Variants in KIF20B observed in about 807,000 individuals in gnomAD.
KIF20B encodes the protein kinesin family member 20B.
KIF20B carries 188 observed loss-of-function variants against 232.5 expected under a neutral mutation model. That is an observed-to-expected ratio of 0.81 (90% CI 0.72 to 0.91). The LOEUF is 0.91. Among genes scored for constraint, KIF20B ranks in the 40% least tolerant of loss-of-function variants. KIF20B has a pLI of 0.00. For missense variants in KIF20B, 2,154 were observed against 2,055.9 expected, an observed-to-expected ratio of 1.05 and a Z score of -0.92; for synonymous variants, 712 against 683.0, an observed-to-expected ratio of 1.04 and a Z score of -0.66.
At chr10:89,712,091 TTTGTCCATTTATCTAGTATTG>T (rs1424763280) in intron 6 of KIF20B, among the ~76,000 whole-genome samples, 11 of 152,024 alleles carry the variant, frequency 7.2e-5, no homozygotes, top group African/African-American at 2.4e-5. Flanking sequence ...TCACATGTTC[TTTGTCCATTTATCTAGTATTG>T]TATGACTTTT....
chr10:89,727,951 A>G lies in KIF20B; in HGVS notation c.2271+55A>G, dbSNP rs1029194266. Reference sequence around the variant, plus strand: ...TAAGGTATTTAATTAACAAAGGGGTATGAATGATGACTAGATTTGTTTATT... The same window carrying G: ...TAAGGTATTTAATTAACAAAGGGGTGTGAATGATGACTAGATTTGTTTATT... On this transcript the variant is annotated intron_variant, in intron 17 of 32. Transcript: ENST00000371728. The G allele has an allele frequency of 6.1e-5, 86 of 1,418,482 alleles. No individual in the cohort carries two copies. The East Asian group carries it at 1.6e-3, about 27-fold the overall frequency. 87.9% of individuals were successfully genotyped at this position (1,418,482 alleles called of 1,614,324 possible). A position where few individuals can be genotyped will look rare whatever the true frequency, so the allele number is the denominator to read the frequency against.
intron 29 of KIF20B, among the ~76,000 whole-genome samples, chr10:89,765,862 G>A (rs995981849): frequency 3.3e-5 from 5 of 152,050 alleles, no homozygotes; most frequent in Admixed American, 1.3e-4. Flanking sequence ...AGTTTCTGCC[G>A]AGAGATCCGC....
intron 1 of KIF20B, among the ~76,000 whole-genome samples, chr10:89,704,859 G>T (rs920419818): frequency 1.1e-4 from 16 of 152,206 alleles, no homozygotes; most frequent in Admixed American, 6.5e-5. Flanking sequence ...ACCAGACCCA[G>T]ATAACTGAGT....
At chr10:89,714,415 T>G (rs1292596236) in intron 7 of KIF20B, among the ~76,000 whole-genome samples, 1 of 151,994 alleles carries the variant, frequency 6.6e-6, no homozygotes, top group Non-Finnish European at 1.5e-5. Flanking sequence ...GAGGTGGAGG[T>G]TGCAGTGAGC....
At position 89,733,070 on chromosome 10, in the gene KIF20B, T is replaced by G. The variant is rs1044134539; in HGVS notation, c.2545+14T>G. 1.9e-6 allele frequency: 3 copies of G among 1,612,906 alleles called. No homozygotes were observed. The highest frequency in any genetic ancestry group is 2.7e-5 in the African/African-American group (2 of 74,910). On this transcript the variant is annotated intron_variant, in intron 19 of 32. Transcript: ENST00000371728. ...CAGCAAAGAAAGGTACTACTTCAGCTGCCAGCAGCAGGCGTTTAAGAAAGC... is the reference window on the plus strand; with the variant it reads ...CAGCAAAGAAAGGTACTACTTCAGCGGCCAGCAGCAGGCGTTTAAGAAAGC...
At position 89,718,699 on chromosome 10, in the gene KIF20B, T is replaced by C; in HGVS notation, c.1272-11T>C. 6.2e-6 allele frequency: 10 copies of C among 1,600,348 alleles called. No homozygotes were observed. Among genetic ancestry groups the C allele is most frequent in the Non-Finnish European group, 6.8e-6 (8 of 1,175,466 alleles). Reference sequence around the variant, plus strand: ...TTAACTTACAATGTTTTCTGAAAATTTTTTCTGTAGGTTTCAACAGCATGT... The same window carrying C: ...TTAACTTACAATGTTTTCTGAAAATCTTTTCTGTAGGTTTCAACAGCATGT... On this transcript the variant is annotated splice_polypyrimidine_tract_variant and intron_variant, in intron 11 of 32. Transcript: ENST00000371728.
intron 22 of KIF20B, among the ~76,000 whole-genome samples, chr10:89,745,620 G>A (rs1014889363): frequency 2.6e-5 from 4 of 151,474 alleles, no homozygotes; most frequent in Non-Finnish European, 5.9e-5. Context: ...TTTTGAGATG[G>A]AGTCTCGCTT....
At chr10:89,754,424 G>T (rs1017583256) in intron 25 of KIF20B, 94 bp from the exon 26 acceptor site, 2 of 700,130 alleles carry the variant, frequency 2.9e-6, no homozygotes, top group African/African-American at 3.7e-5. Flanking sequence ...TTTTATAGAG[G>T]TGAAAAGTAA....
At chr10:89,718,393 C>A (rs1842979493) in intron 11 of KIF20B, among the ~76,000 whole-genome samples, 1 of 152,054 alleles carries the variant, frequency 6.6e-6, no homozygotes, top group African/African-American at 2.4e-5. Context: ...CACCTGTAAT[C>A]CCTGCTACCC....
chr10:89,748,780 G>C (rs1034537597), intron 23 of KIF20B, among the ~76,000 whole-genome samples: 1 of 152,084 alleles, frequency 6.6e-6, no homozygotes, highest in Non-Finnish European at 1.5e-5. Flanking sequence ...TTGCCCTATA[G>C]TTTTTATCAT....
Position 89,774,062 on chromosome 10 carries a change from A to T in KIF20B, c.*14A>T. 1 of 1,524,202 alleles carries T rather than the reference A, an allele frequency of 6.6e-7. No individual in the cohort carries two copies. Among genetic ancestry groups the T allele is most frequent in the Non-Finnish European group, 9.0e-7 (1 of 1,116,326 alleles). 94.4% of individuals were successfully genotyped at this position (1,524,202 alleles called of 1,614,324 possible). On this transcript the variant is annotated 3_prime_UTR_variant, in exon 33 of 33. Transcript: ENST00000371728. ...ACAGCCAAATAAATCACTTATGGAA[A>T]TGTTTAATATAAATTTTATAGTCAT...
chr10:89,757,341 C>T (rs1003333153), intron 26 of KIF20B, among the ~76,000 whole-genome samples: 7 of 151,720 alleles, frequency 4.6e-5, no homozygotes, highest in African/African-American at 1.7e-4. Context: ...GATTATCTAG[C>T]TTCTTATTTG....
intron 11 of KIF20B, among the ~76,000 whole-genome samples, chr10:89,718,407 A>T (rs1564659912): frequency 6.6e-6 from 1 of 152,178 alleles, no homozygotes; most frequent in Non-Finnish European, 1.5e-5. Flanking sequence ...GCTACCCTGG[A>T]GGCAGAGGCG....
chr10:89,738,255 A>C lies in KIF20B; in HGVS notation c.3414A>C (p.Gln1138His). ...AAAAAAATGTTACTCTTGATGTTCA[A>C]ATACAGCATGTAGTTGAAGGAAAGA... The part of the protein sequence containing the change: ...LQEKNVTLDV[Q>H]IQHVVEGKRA... Residue 1138 changes from glutamine to histidine, a missense_variant, in exon 20 of 33, where the codon CAA (glutamine) becomes CAC (histidine). By Grantham distance (24) the Gln-to-His change is conservative. Coordinates refer to ENST00000371728, the MANE Select transcript of KIF20B (RefSeq NM_001284259.2). The C allele has an allele frequency of 6.2e-7, 1 of 1,609,860 alleles. No homozygotes were observed. Among genetic ancestry groups the C allele is most frequent in the Non-Finnish European group, 8.5e-7 (1 of 1,179,052 alleles).
At position 89,726,299 on chromosome 10, in the gene KIF20B, C is replaced by A; in HGVS notation, c.2008C>A (p.His670Asn). 1 of 1,545,796 alleles carries A rather than the reference C, an allele frequency of 6.5e-7. No individual in the cohort carries two copies. The change falls in exon 16 of 33, where the codon CAT (histidine) becomes AAT (asparagine). Residue 670 changes from histidine (H) to asparagine (N), a missense_variant. Transcript: ENST00000371728. ...CATKVETEETHNYVGFEDIID... is the reference protein window; with the variant it reads ...CATKVETEETNNYVGFEDIID... ...TGGTTTTTGCTATTTTTAGGAAACA[C>A]ATAATTATGTAGGATTTGAAGATAT...
intron 6 of KIF20B, among the ~76,000 whole-genome samples, chr10:89,713,767 A>G (rs1251905339): frequency 6.6e-6 from 1 of 152,214 alleles, no homozygotes; most frequent in Non-Finnish European, 1.5e-5. Context: ...AAAGCTTACA[A>G]CATAAGTGTG....
At chr10:89,704,311 T>C (rs1842677602) in intron 1 of KIF20B, among the ~76,000 whole-genome samples, 1 of 152,196 alleles carries the variant, frequency 6.6e-6, no homozygotes, top group Non-Finnish European at 1.5e-5. Context: ...CTCTCTGGTA[T>C]TGTACATCTA....
chr10:89,774,087 T>C lies in KIF20B; in HGVS notation c.*39T>C, dbSNP rs1403100768. 2.3e-6 allele frequency: 3 copies of C among 1,301,492 alleles called. No homozygotes were observed. The highest frequency in any genetic ancestry group is 3.2e-6 in the Non-Finnish European group (3 of 927,336). 80.6% of individuals were successfully genotyped at this position (1,301,492 alleles called of 1,614,324 possible). On this transcript the variant is annotated 3_prime_UTR_variant, in exon 33 of 33. Transcript: ENST00000371728. ...ATGTTTAATATAAATTTTATAGTCA[T>C]AGTCATTGGAACTTGCATCCTGTAT...
intron 23 of KIF20B, among the ~76,000 whole-genome samples, chr10:89,748,808 C>T (rs938834255): frequency 1.3e-5 from 2 of 151,998 alleles, no homozygotes; most frequent in Admixed American, 1.3e-4. Flanking sequence ...TTTTTGTTTT[C>T]TTTGCCAAAT....
Sources: allele counts gnomAD v4.1 joint callset (sites outside exome capture counted in the v4.1 genomes callset), GRCh38; gene constraint gnomAD v4.1.1; transcripts MANE v1.5; gene names NCBI Gene and HGNC (gene_info 2026-07-23, HGNC 2026-07-21).